Variants in CYYR1 observed in about 807,000 individuals in gnomAD.
The protein encoded by CYYR1 is cysteine and tyrosine-rich protein 1.
Under a neutral mutation model 15.2 loss-of-function variants are expected in CYYR1, and 14 were observed. The observed-to-expected ratio is 0.92, with a 90% CI of 0.61 to 1.44. The LOEUF is 1.44. Among genes scored for constraint, CYYR1 ranks in the 40% most tolerant of loss-of-function variants. The pLI, the probability that CYYR1 is intolerant of heterozygous loss-of-function variation, is 0.00. For synonymous variants in CYYR1, 80 were observed against 77.4 expected, an observed-to-expected ratio of 1.03 and a Z score of -0.18; for missense variants, 228 against 209.5, an observed-to-expected ratio of 1.09 and a Z score of -0.54.
chr21:26,571,090 C>A (rs926116573), intron 1 of CYYR1, among the ~76,000 whole-genome samples: 2 of 152,192 alleles, frequency 1.3e-5, no homozygotes, highest in African/African-American at 4.8e-5. Flanking sequence ...TATGACACAA[C>A]CTTTTATACC....
intron 2 of CYYR1, chr21:26,518,623 T>C (rs1334429614): frequency 2.0e-5 from 3 of 152,242 alleles, no homozygotes; most frequent in African/African-American, 7.2e-5. Context: ...CTGTCATAGC[T>C]GCAGCAGACA....
chr21:26,506,486 T>C (rs1325131447), intron 2 of CYYR1: 1 of 152,162 alleles, frequency 6.6e-6, no homozygotes, highest in Non-Finnish European at 1.5e-5. Flanking sequence ...ACAGAGGAGC[T>C]TTAAGGAGAC....
At chr21:26,539,365 G>A (rs1346646197) in intron 2 of CYYR1, among the ~76,000 whole-genome samples, 1 of 151,946 alleles carries the variant, frequency 6.6e-6, no homozygotes. Context: ...TAATCCCTCT[G>A]ATTTCAACAC....
intron 2 of CYYR1, chr21:26,550,507 C>T (rs960877816): frequency 6.6e-6 from 1 of 152,170 alleles, no homozygotes; most frequent in African/African-American, 2.4e-5. Flanking sequence ...ACTCCCGCAC[C>T]AGGGAGCCAA....
chr21:26,546,804 C>A (rs1979006465), intron 2 of CYYR1, among the ~76,000 whole-genome samples: 1 of 152,162 alleles, frequency 6.6e-6, no homozygotes, highest in African/African-American at 2.4e-5. Context: ...GGGATAGATT[C>A]TACTCTGCTT....
chr21:26,528,066 A>G (rs2065888031), intron 2 of CYYR1, among the ~76,000 whole-genome samples: 1 of 152,232 alleles, frequency 6.6e-6, no homozygotes, highest in Admixed American at 6.5e-5. Flanking sequence ...AGTCAATCAA[A>G]AAGAAGCAAA....
At chr21:26,551,771 T>A (rs982392695) in intron 2 of CYYR1, 11 of 253,382 alleles carry the variant, frequency 4.3e-5, no homozygotes, top group African/African-American at 2.3e-4. Context: ...CTGTGAACAC[T>A]GTGGAAATGA....
chr21:26,537,434 G>T (rs1336756836), intron 2 of CYYR1, among the ~76,000 whole-genome samples: 3 of 152,046 alleles, frequency 2.0e-5, no homozygotes, highest in Admixed American at 6.6e-5. Context: ...TCAGTGCTTG[G>T]GCCAATCAAG....
intron 2 of CYYR1, among the ~76,000 whole-genome samples, chr21:26,515,379 G>A (rs943438510): frequency 6.6e-6 from 1 of 151,312 alleles, no homozygotes; most frequent in African/African-American, 2.4e-5. Flanking sequence ...TTTTTTTTGG[G>A]AGAGAGTCTC....
At chr21:26,542,493 A>G (rs140269406) in intron 2 of CYYR1, among the ~76,000 whole-genome samples, 4 of 152,320 alleles carry the variant, frequency 2.6e-5, no homozygotes, top group African/African-American at 7.2e-5. Flanking sequence ...AATTAGGAAC[A>G]GAAAGAAATT....
At chr21:26,475,229 C>A (rs945777463) in intron 3 of CYYR1, among the ~76,000 whole-genome samples, 1 of 151,922 alleles carries the variant, frequency 6.6e-6, no homozygotes, top group South Asian at 2.1e-4. Context: ...ACCTCAAATA[C>A]CTCCTCAGTT....
At chr21:26,477,125 C>T (rs973266595) in intron 3 of CYYR1, among the ~76,000 whole-genome samples, 1 of 152,108 alleles carries the variant, frequency 6.6e-6, no homozygotes, top group Non-Finnish European at 1.5e-5. Flanking sequence ...CTAAATTATG[C>T]TCTCTGCATT....
chr21:26,542,737 ATAAAG>A (rs758196915), intron 2 of CYYR1, among the ~76,000 whole-genome samples: 6 of 152,218 alleles, frequency 3.9e-5, no homozygotes, highest in Non-Finnish European at 8.8e-5. Context: ...TAATCAATGT[ATAAAG>A]TAATTACTAG....
At chr21:26,555,296 T>C (rs1200661038) in intron 2 of CYYR1, among the ~76,000 whole-genome samples, 2 of 152,200 alleles carry the variant, frequency 1.3e-5, no homozygotes, top group African/African-American at 4.8e-5. Flanking sequence ...TAAATTCTAA[T>C]ATATTTCTAT....
At chr21:26,469,534 G>C (rs2065008637) in intron 3 of CYYR1, among the ~76,000 whole-genome samples, 1 of 151,994 alleles carries the variant, frequency 6.6e-6, no homozygotes, top group Non-Finnish European at 1.5e-5. Context: ...TATTCATGGG[G>C]TACAGAGTGA....
At chr21:26,524,499 A>G (rs1601790686) in intron 2 of CYYR1, among the ~76,000 whole-genome samples, 1 of 152,226 alleles carries the variant, frequency 6.6e-6, no homozygotes, top group East Asian at 1.9e-4. Context: ...AACAAACTGT[A>G]CAAGACATTT....
intron 3 of CYYR1, among the ~76,000 whole-genome samples, chr21:26,472,036 A>G (rs2065041028): frequency 6.6e-6 from 1 of 152,184 alleles, no homozygotes; most frequent in African/African-American, 2.4e-5. Flanking sequence ...ATTATTTCAG[A>G]AAATTTGGAA....
At chr21:26,562,049 A>G (rs1184979088) in intron 2 of CYYR1, among the ~76,000 whole-genome samples, 1 of 152,174 alleles carries the variant, frequency 6.6e-6, no homozygotes, top group Admixed American at 6.5e-5. Flanking sequence ...CCCTTTCCAT[A>G]TTCATCACAG....
At chr21:26,519,247 C>G (rs1185133945) in intron 2 of CYYR1, among the ~76,000 whole-genome samples, 1 of 152,058 alleles carries the variant, frequency 6.6e-6, no homozygotes, top group Non-Finnish European at 1.5e-5. Context: ...ACAGGCAATG[C>G]ACATAATAAA....
Sources: gnomAD v4.1 joint callset for allele counts (sites outside exome capture counted in the v4.1 genomes callset) on GRCh38, gnomAD v4.1.1 for gene constraint, MANE v1.5 for transcripts, NCBI Gene and HGNC (gene_info 2026-07-23, HGNC 2026-07-21) for gene names.